Variants in ANTXR1 observed in about 807,000 individuals in gnomAD.
ANTXR1 encodes anthrax toxin receptor 1.
In ANTXR1, 19 loss-of-function variants were observed where a neutral mutation model predicts 78.1. That is an observed-to-expected ratio of 0.24 (90% CI 0.17 to 0.36). ANTXR1 has a LOEUF of 0.36. Ranked by LOEUF, ANTXR1 falls within the 10% of genes least tolerant of loss-of-function variation. ANTXR1 has a pLI of 1.00. For missense variants in ANTXR1, 518 were observed against 718.6 expected (o/e 0.72, Z 3.19); for synonymous variants, 273 against 260.5 (o/e 1.05, Z -0.46).
chr2:69,157,624 A>T (rs1056550076), intron 13 of ANTXR1, among the ~76,000 whole-genome samples: 3 of 152,146 alleles, frequency 2.0e-5, no homozygotes, highest in African/African-American at 7.2e-5. Context: ...CCTACAGCAC[A>T]TCCTTTCCCA....
At chr2:69,147,455 C>T (rs745647589) in intron 12 of ANTXR1, among the ~76,000 whole-genome samples, 6 of 152,176 alleles carry the variant, frequency 3.9e-5, no homozygotes, top group Non-Finnish European at 8.8e-5. Context: ...GCCATGGTCC[C>T]CCTCCCTCTC....
At chr2:69,110,676 C>T (rs1459391151) in intron 10 of ANTXR1, among the ~76,000 whole-genome samples, 1 of 152,018 alleles carries the variant, frequency 6.6e-6, no homozygotes, top group Non-Finnish European at 1.5e-5. Flanking sequence ...CTGGCTAACA[C>T]GGTGAAACCC....
At chr2:69,133,171 A>T (rs970328389) in intron 12 of ANTXR1, among the ~76,000 whole-genome samples, 1 of 152,156 alleles carries the variant, frequency 6.6e-6, no homozygotes, top group African/African-American at 2.4e-5. Context: ...TAGGCAGCTC[A>T]TGATTAGCTC....
chr2:69,076,798 A>T (rs1670746575), intron 7 of ANTXR1, among the ~76,000 whole-genome samples: 1 of 152,240 alleles, frequency 6.6e-6, no homozygotes, highest in Admixed American at 6.5e-5. Flanking sequence ...AGCCATACAC[A>T]ACAGCTGACA....
At position 69,044,595 on chromosome 2, in the gene ANTXR1, G is replaced by A. The variant is rs1273338300; in HGVS notation, c.225-147G>A. On this transcript the variant is annotated intron_variant, in intron 2 of 17. Coordinates refer to ENST00000303714, the MANE Select transcript of ANTXR1 (RefSeq NM_032208.3). Reference sequence around the variant, plus strand: ...GTCCACTGCTGGCTAATCAACACCCGCAGCACCAGCCTAGGAGGCCCCCTG... The same window carrying A: ...GTCCACTGCTGGCTAATCAACACCCACAGCACCAGCCTAGGAGGCCCCCTG... 12 of 785,042 alleles carry A rather than the reference G, an allele frequency of 1.5e-5. 1 individual carries two copies. Among genetic ancestry groups the A allele is most frequent in the South Asian group, 2.9e-5 (2 of 69,572 alleles). 48.6% of individuals were successfully genotyped at this position (785,042 alleles called of 1,614,324 possible). A position where few individuals can be genotyped will look rare whatever the true frequency, so the allele number is the denominator to read the frequency against.
At chr2:69,222,506 A>G (rs549519754) in intron 17 of ANTXR1, among the ~76,000 whole-genome samples, 1 of 152,352 alleles carries the variant, frequency 6.6e-6, no homozygotes, top group East Asian at 1.9e-4. Context: ...TAACAGTAGT[A>G]ATGAACTCTC....
At chr2:69,080,000 T>A (rs1670852326) in intron 8 of ANTXR1, among the ~76,000 whole-genome samples, 1 of 152,240 alleles carries the variant, frequency 6.6e-6, no homozygotes, top group South Asian at 2.1e-4. Flanking sequence ...ACTGCAAAGA[T>A]CTTTAAGAAA....
In ANTXR1 at chr2:69,087,307, C is replaced by A. The variant is rs537301717; in HGVS notation, c.643-3552C>A. On this transcript the variant is annotated intron_variant, in intron 8 of 17. Coordinates refer to ENST00000303714, the MANE Select transcript of ANTXR1 (RefSeq NM_032208.3). ...CCTGTGTGATCTCATTTAATCTTCC[C>A]ACACAACAACTTTATGCTCGTACTT... is the stretch of plus-strand genomic sequence containing the variant. Among the ~76,000 whole-genome samples, 25 of 152,272 alleles carry A rather than the reference C, an allele frequency of 1.6e-4. No homozygotes were observed. The South Asian group carries it at 2.7e-3, about 16-fold the overall frequency.
intron 10 of ANTXR1, among the ~76,000 whole-genome samples, chr2:69,120,418 C>G (rs536732845): frequency 1.2e-4 from 19 of 152,314 alleles, no homozygotes; most frequent in African/African-American, 4.6e-4. Flanking sequence ...GTAATCCCAG[C>G]ACTTTGGGAG....
intron 17 of ANTXR1, among the ~76,000 whole-genome samples, chr2:69,240,211 C>T (rs1244139636): frequency 6.6e-6 from 1 of 152,236 alleles, no homozygotes; most frequent in Non-Finnish European, 1.5e-5. Context: ...GTGAGCAGTA[C>T]TTGTTGAGTG....
chr2:69,021,265 A>G (rs6741869), intron 1 of ANTXR1, among the ~76,000 whole-genome samples: 18,169 of 152,014 alleles, frequency 0.12, 3,034 homozygotes, highest in African/African-American at 0.38. Context: ...GAATGGTGAA[A>G]CTAAGTCTCA....
chr2:69,060,169 C>T (rs1184006355), intron 3 of ANTXR1, among the ~76,000 whole-genome samples: 2 of 152,152 alleles, frequency 1.3e-5, no homozygotes, highest in Non-Finnish European at 2.9e-5. Flanking sequence ...CTCCAGTTCC[C>T]AGAAGATACC....
chr2:69,039,157 T>C (rs1422644640), intron 1 of ANTXR1, among the ~76,000 whole-genome samples: 7 of 152,100 alleles, frequency 4.6e-5, no homozygotes, highest in Admixed American at 4.6e-4. Context: ...AATTGATCCT[T>C]AGGTGAAAGG....
chr2:69,041,260 G>C (rs1346338968), intron 2 of ANTXR1, among the ~76,000 whole-genome samples: 1 of 152,204 alleles, frequency 6.6e-6, no homozygotes. Context: ...CCTATCCTAG[G>C]AGGCATTGTG....
intron 4 of ANTXR1, among the ~76,000 whole-genome samples, chr2:69,071,259 T>C (rs1034145377): frequency 3.3e-5 from 5 of 152,244 alleles, no homozygotes; most frequent in Admixed American, 1.3e-4. Flanking sequence ...TGTGACATCA[T>C]AGTGTGTACT....
chr2:69,130,116 C>T (rs962185148), intron 12 of ANTXR1, among the ~76,000 whole-genome samples: 1 of 151,634 alleles, frequency 6.6e-6, no homozygotes, highest in African/African-American at 2.4e-5. Context: ...GTAGGATGTA[C>T]GCTCTACACC....
At chr2:69,058,587 G>A (rs933140653) in intron 3 of ANTXR1, among the ~76,000 whole-genome samples, 5 of 151,940 alleles carry the variant, frequency 3.3e-5, no homozygotes, top group Non-Finnish European at 7.4e-5. Flanking sequence ...AATGCACCTG[G>A]TCACCTAAGA....
chr2:69,229,828 G>T (rs1675545282), intron 17 of ANTXR1, among the ~76,000 whole-genome samples: 1 of 151,760 alleles, frequency 6.6e-6, no homozygotes, highest in Non-Finnish European at 1.5e-5. Context: ...GCTCTTTGGA[G>T]AAGTAATTGC....
chr2:69,096,248 A>G (rs1671397671), intron 9 of ANTXR1, among the ~76,000 whole-genome samples: 1 of 140,784 alleles, frequency 7.1e-6, no homozygotes, highest in Non-Finnish European at 1.5e-5. Flanking sequence ...ACAGAGCGAG[A>G]CTCCGTCAAA....
Sources: gnomAD v4.1 joint callset for allele counts (sites outside exome capture counted in the v4.1 genomes callset) on GRCh38, gnomAD v4.1.1 for gene constraint, MANE v1.5 for transcripts, NCBI Gene and HGNC (gene_info 2026-07-23, HGNC 2026-07-21) for gene names.